ARSB: variants seen among roughly 807,000 people sequenced by gnomAD.
ARSB encodes arylsulfatase B.
ARSB carries 41 observed loss-of-function variants against 50.9 expected under a neutral mutation model. The ratio of observed to expected loss-of-function variants is 0.81; its 90% CI spans 0.63 to 1.04. The LOEUF is 1.04. ARSB is among the 50% of genes least tolerant of loss of function. ARSB has a pLI of 0.00. For missense variants in ARSB, 672 were observed against 693.3 expected (o/e 0.97, Z 0.35); for synonymous variants, 269 against 284.8 (o/e 0.94, Z 0.56).
intron 4 of ARSB, among the ~76,000 whole-genome samples, chr5:78,892,906 G>C (rs529629937): frequency 6.6e-6 from 1 of 152,206 alleles, no homozygotes; most frequent in African/African-American, 2.4e-5. Flanking sequence ...GGGCTAGCAA[G>C]AGGAGGGTTC....
chr5:78,979,142 A>G (rs1362397500), intron 1 of ARSB, among the ~76,000 whole-genome samples: 2 of 152,246 alleles, frequency 1.3e-5, no homozygotes, highest in Non-Finnish European at 2.9e-5. Context: ...AAGAATGAGA[A>G]GATAAATTAC....
intron 5 of ARSB, among the ~76,000 whole-genome samples, chr5:78,863,917 A>C (rs949192536): frequency 6.6e-6 from 1 of 151,812 alleles, no homozygotes; most frequent in East Asian, 1.9e-4. Flanking sequence ...AGAACATGTG[A>C]ATTTTTAGAT....
chr5:78,928,502 G>A (rs1750164254), intron 4 of ARSB, among the ~76,000 whole-genome samples: 1 of 151,898 alleles, frequency 6.6e-6, no homozygotes, highest in Non-Finnish European at 1.5e-5. Context: ...TTTTAGTAGA[G>A]ATGGGGTTTC....
chr5:78,945,672 G>A (rs1482420876), intron 4 of ARSB, among the ~76,000 whole-genome samples: 3 of 152,124 alleles, frequency 2.0e-5, no homozygotes, highest in Non-Finnish European at 2.9e-5. Flanking sequence ...CCTTCTGAGT[G>A]GACCCCTGGG....
At chr5:78,879,793 C>A (rs1260796042) in intron 5 of ARSB, among the ~76,000 whole-genome samples, 1 of 152,106 alleles carries the variant, frequency 6.6e-6, no homozygotes, top group African/African-American at 2.4e-5. Context: ...TCCGAACTTG[C>A]CTAATGCTGT....
intron 6 of ARSB, among the ~76,000 whole-genome samples, chr5:78,804,399 C>T (rs1213839969): frequency 6.6e-6 from 1 of 152,160 alleles, no homozygotes; most frequent in Non-Finnish European, 1.5e-5. Context: ...TCACATAAGC[C>T]TCTCTTAAGG....
chr5:78,963,076 G>A (rs1277026745), intron 3 of ARSB, among the ~76,000 whole-genome samples: 13 of 152,212 alleles, frequency 8.5e-5, no homozygotes, highest in Non-Finnish European at 4.4e-5. Context: ...GGTCATGGAG[G>A]TGGATCCCTC....
At chr5:78,879,483 G>A (rs1226700364) in intron 5 of ARSB, among the ~76,000 whole-genome samples, 1 of 152,204 alleles carries the variant, frequency 6.6e-6, no homozygotes, top group African/African-American at 2.4e-5. Flanking sequence ...AGTCCTAAGA[G>A]AAATTTGTAA....
chr5:78,933,827 C>T (rs147566188), intron 4 of ARSB, among the ~76,000 whole-genome samples: 1 of 152,142 alleles, frequency 6.6e-6, no homozygotes, highest in East Asian at 1.9e-4. Flanking sequence ...AACTAGCTGA[C>T]CTAAATATAG....
intron 6 of ARSB, among the ~76,000 whole-genome samples, chr5:78,797,049 T>C (rs891413495): frequency 6.6e-6 from 1 of 152,144 alleles, no homozygotes; most frequent in African/African-American, 2.4e-5. Flanking sequence ...GGCTAATTTT[T>C]TGTATTTTTT....
chr5:78,869,175 G>A (rs1257477918), intron 5 of ARSB, among the ~76,000 whole-genome samples: 2 of 131,562 alleles, frequency 1.5e-5, no homozygotes, highest in Admixed American at 7.5e-5. Context: ...AGTCCTGAGT[G>A]ACCTACAAAG....
intron 6 of ARSB, among the ~76,000 whole-genome samples, chr5:78,831,161 T>C (rs968953831): frequency 4.6e-5 from 7 of 152,278 alleles, no homozygotes; most frequent in African/African-American, 7.2e-5. Context: ...ACAGGAGATA[T>C]TGTTATAATC....
chr5:78,898,894 C>T (rs913929844), intron 4 of ARSB, among the ~76,000 whole-genome samples: 6 of 152,108 alleles, frequency 3.9e-5, no homozygotes, highest in African/African-American at 1.4e-4. Context: ...CTTAATTTTA[C>T]CTGTAGGTTT....
chr5:78,852,845 G>A (rs1481554039), intron 5 of ARSB, among the ~76,000 whole-genome samples: 6 of 152,152 alleles, frequency 3.9e-5, no homozygotes, highest in Non-Finnish European at 8.8e-5. Context: ...CCAGTTGATT[G>A]CATCAGCTCC....
chr5:78,973,641 C>T (rs7731315), intron 1 of ARSB, among the ~76,000 whole-genome samples: 40,418 of 152,056 alleles, frequency 0.27, 5,546 homozygotes, highest in Middle Eastern at 0.35. Context: ...TCTCTTTCAA[C>T]TCCCCTTTCA....
intron 4 of ARSB, among the ~76,000 whole-genome samples, chr5:78,934,038 GC>G (rs768555853): frequency 4.1e-4 from 63 of 152,340 alleles, no homozygotes; most frequent in Admixed American, 6.5e-4. Flanking sequence ...GCTAGAATGA[GC>G]CTTAAGCTGA....
At chr5:78,811,010 A>G (rs527606767) in intron 6 of ARSB, among the ~76,000 whole-genome samples, 1 of 152,356 alleles carries the variant, frequency 6.6e-6, no homozygotes, top group South Asian at 2.1e-4. Flanking sequence ...TAATTTAACA[A>G]CATGAAAAAA....
chr5:78,887,042 G>C (rs1232134118), intron 4 of ARSB, among the ~76,000 whole-genome samples: 1 of 152,296 alleles, frequency 6.6e-6, no homozygotes, highest in East Asian at 1.9e-4. Flanking sequence ...GGCCAGGGGT[G>C]ATATACCACC....
chr5:78,898,414 C>G (rs1212332009), intron 4 of ARSB, among the ~76,000 whole-genome samples: 1 of 152,178 alleles, frequency 6.6e-6, no homozygotes, highest in Non-Finnish European at 1.5e-5. Flanking sequence ...TACTTCCCAA[C>G]TTATTCTATG....
Sources: gnomAD v4.1 joint callset for allele counts (sites outside exome capture counted in the v4.1 genomes callset) on GRCh38, gnomAD v4.1.1 for gene constraint, MANE v1.5 for transcripts, NCBI Gene and HGNC (gene_info 2026-07-23, HGNC 2026-07-21) for gene names.